The following XYLT1 variants were observed in gnomAD, a reference collection of about 807,000 sequenced individuals.
The protein encoded by XYLT1 is xylosyltransferase 1.
A neutral mutation model predicts 91.3 loss-of-function variants in XYLT1; 36 were observed. That is an observed-to-expected ratio of 0.39 (90% CI 0.30 to 0.52). XYLT1 has a LOEUF of 0.52. XYLT1 is among the 20% of genes least tolerant of loss of function. The probability of loss-of-function intolerance (pLI) is 0.68; values close to 1 mark genes in which losing one functional copy is unlikely to be tolerated. For missense variants in XYLT1, 1,242 were observed against 1,284.5 expected, an observed-to-expected ratio of 0.97 and a Z score of 0.51; for synonymous variants, 588 against 532.0, an observed-to-expected ratio of 1.11 and a Z score of -1.45.
chr16:17,115,999 G>A (rs199580914), intron 11 of XYLT1, among the ~76,000 whole-genome samples: 27 of 37,500 alleles, frequency 7.2e-4, no homozygotes, highest in Non-Finnish European at 1.9e-3. Flanking sequence ...AAAAAAAAAA[G>A]CAATCTTACA....
intron 2 of XYLT1, among the ~76,000 whole-genome samples, chr16:17,291,336 T>C (rs1418181933): frequency 6.6e-6 from 1 of 152,240 alleles, no homozygotes; most frequent in Non-Finnish European, 1.5e-5. Context: ...TTTCATTCAA[T>C]GAGCAGCATA....
chr16:17,427,994 A>G (rs917926251), intron 1 of XYLT1, among the ~76,000 whole-genome samples: 1 of 151,570 alleles, frequency 6.6e-6, no homozygotes, highest in Non-Finnish European at 1.5e-5. Context: ...GGACCTTTTT[A>G]TTTTTTATTT....
intron 5 of XYLT1, among the ~76,000 whole-genome samples, chr16:17,169,424 T>TCAG (rs1310259894): frequency 6.6e-6 from 1 of 152,214 alleles, no homozygotes; most frequent in East Asian, 1.9e-4. Flanking sequence ...TCACAAAGCC[T>TCAG]CAGTGCTTTC....
intron 3 of XYLT1, among the ~76,000 whole-genome samples, chr16:17,206,687 G>T (rs1240639264): frequency 6.6e-6 from 1 of 152,194 alleles, no homozygotes; most frequent in Non-Finnish European, 1.5e-5. Context: ...AGTGAGCTAC[G>T]ATGGTGTCAC....
chr16:17,174,303 A>G (rs914406966), intron 5 of XYLT1, among the ~76,000 whole-genome samples: 1 of 152,220 alleles, frequency 6.6e-6, no homozygotes, highest in Non-Finnish European at 1.5e-5. Context: ...CAGGTGTTCG[A>G]ACAAAACTTG....
At chr16:17,113,001 G>A (rs568287672) in intron 11 of XYLT1, among the ~76,000 whole-genome samples, 11 of 151,698 alleles carry the variant, frequency 7.3e-5, no homozygotes, top group Non-Finnish European at 1.0e-4. Context: ...CACCACACCC[G>A]GCTAATTTTG....
intron 1 of XYLT1, among the ~76,000 whole-genome samples, chr16:17,397,533 G>A (rs1366520310): frequency 1.3e-5 from 2 of 152,118 alleles, no homozygotes; most frequent in African/African-American, 2.4e-5. Context: ...AGATCACCAT[G>A]AGAACCTTTT....
rs777372481 is a variant in XYLT1, at chr16:17,134,657, A to T, written c.1843T>A (p.Tyr615Asn). 3 of 1,614,114 alleles carry T rather than the reference A, an allele frequency of 1.9e-6. No homozygotes were observed. The highest frequency in any genetic ancestry group is 2.5e-6 in the Non-Finnish European group (3 of 1,180,040). ...NQEIIGQLDYYLYGNYPAGTP... is the reference protein window; with the variant it reads ...NQEIIGQLDYNLYGNYPAGTP... ...CCTGCAGGGTAGTTCCCGTACAGGT[A>T]ATAGTCCAGCTGCCCAATGATTTCC... Residue 615 changes from tyrosine to asparagine, a missense_variant, in exon 9 of 12, where the codon TAC (tyrosine) becomes AAC (asparagine). Tyr to Asn is a moderately radical substitution (Grantham distance 143). Coordinates refer to ENST00000261381, the MANE Select transcript of XYLT1 (RefSeq NM_022166.4).
intron 1 of XYLT1, among the ~76,000 whole-genome samples, chr16:17,382,141 TGA>T (rs1250662927): frequency 1.3e-5 from 2 of 151,808 alleles, no homozygotes; most frequent in Non-Finnish European, 2.9e-5. Flanking sequence ...AGATTCACAG[TGA>T]GAGAAGCCAC....
intron 5 of XYLT1, among the ~76,000 whole-genome samples, chr16:17,161,007 G>A (rs909890036): frequency 3.3e-5 from 5 of 152,146 alleles, no homozygotes; most frequent in South Asian, 2.1e-4. Context: ...ATGGGTCCCC[G>A]GCAGTTGGAA....
rs369573791 is a variant in XYLT1, at chr16:17,433,531, G to C, written c.363+36903C>G. On this transcript the variant is annotated intron_variant, in intron 1 of 11. Transcript: ENST00000261381. ...AGCCCACTTCAGAATCCACAAACAC[G>C]CATGATGGTAGCAGCCAGCTCAGGG... is the stretch of plus-strand genomic sequence containing the variant. Among the ~76,000 whole-genome samples the C allele has an allele frequency of 2.6e-4, 40 of 152,284 alleles. No homozygotes were observed. The East Asian group carries it at 6.0e-3, about 23-fold the overall frequency.
chr16:17,200,465 T>C lies in XYLT1; in HGVS notation c.1086+17A>G, dbSNP rs1429364320. ...CCGAAGAAAGCCCAGCAAGGGGTGA[T>C]CACAGAGGCCTCTCACCTTGTCCAC... On this transcript the variant is annotated intron_variant, in intron 4 of 11. Transcript: ENST00000261381. The C allele has an allele frequency of 1.2e-6, 2 of 1,605,286 alleles. No homozygotes were observed. Among genetic ancestry groups the C allele is most frequent in the Non-Finnish European group, 1.7e-6 (2 of 1,172,786 alleles).
At chr16:17,329,117 T>C (rs2034857809) in intron 2 of XYLT1, among the ~76,000 whole-genome samples, 1 of 152,214 alleles carries the variant, frequency 6.6e-6, no homozygotes, top group Non-Finnish European at 1.5e-5. Flanking sequence ...GCTCTGCCGC[T>C]GTAGCTCAAA....
chr16:17,256,192 G>A (rs776022836), intron 3 of XYLT1, among the ~76,000 whole-genome samples: 3 of 152,184 alleles, frequency 2.0e-5, no homozygotes, highest in Non-Finnish European at 4.4e-5. Context: ...TCTGTGCAAT[G>A]AGTGTAGGTG....
chr16:17,133,389 C>A, intron 9 of XYLT1, among the ~76,000 whole-genome samples: 1 of 151,712 alleles, frequency 6.6e-6, no homozygotes, highest in South Asian at 2.1e-4. Flanking sequence ...AGGAAATAAT[C>A]AAAAGAGAGA....
chr16:17,141,494 G>T lies in XYLT1; in HGVS notation c.1371-125C>A, dbSNP rs1465510689. 7.6e-6 allele frequency: 7 copies of T among 924,010 alleles called. No homozygotes were observed. In the East Asian group the frequency reaches 1.8e-4, roughly 24 times the overall value. The allele number at this position is 924,010 out of a possible 1,614,324, so 57.2% of individuals were successfully genotyped here. ...TTATTGAGTGCCTGCTGTGTGCCAG[G>T]TACTGCTCCAGGGCTCTGCGTGGAG... On this transcript the variant is annotated intron_variant, in intron 6 of 11. Coordinates refer to ENST00000261381, the MANE Select transcript of XYLT1 (RefSeq NM_022166.4).
At chr16:17,234,952 A>T (rs1460091361) in intron 3 of XYLT1, among the ~76,000 whole-genome samples, 1 of 152,234 alleles carries the variant, frequency 6.6e-6, no homozygotes, top group Non-Finnish European at 1.5e-5. Flanking sequence ...GCAACTGAGC[A>T]AAATAGGTAA....
At chr16:17,151,082 A>T (rs2031270776) in intron 6 of XYLT1, among the ~76,000 whole-genome samples, 1 of 152,160 alleles carries the variant, frequency 6.6e-6, no homozygotes, top group African/African-American at 2.4e-5. Flanking sequence ...TATGGAGGGA[A>T]ACTCCGCAGT....
At chr16:17,352,098 T>TTGACAGAG (rs2035230037) in intron 2 of XYLT1, among the ~76,000 whole-genome samples, 1 of 152,076 alleles carries the variant, frequency 6.6e-6, no homozygotes, top group South Asian at 2.1e-4. Context: ...TCCAGCCTGG[T>TTGACAGAG]TGACAGAGTG....
Sources: allele counts gnomAD v4.1 joint callset (sites outside exome capture counted in the v4.1 genomes callset), GRCh38; gene constraint gnomAD v4.1.1; transcripts MANE v1.5; gene names NCBI Gene and HGNC (gene_info 2026-07-23, HGNC 2026-07-21).